Variants in ARHGAP32 observed in about 807,000 individuals in gnomAD.
The protein encoded by ARHGAP32 is rho GTPase-activating protein 32.
Under a neutral mutation model 186.5 loss-of-function variants are expected in ARHGAP32, and 51 were observed. That is an observed-to-expected ratio of 0.27 (90% CI 0.22 to 0.35). ARHGAP32 has a LOEUF of 0.35. Ranked by LOEUF, ARHGAP32 falls within the 10% of genes least tolerant of loss-of-function variation. The pLI is 1.00. For missense variants in ARHGAP32, 2,186 were observed against 2,623.5 expected, an observed-to-expected ratio of 0.83 and a Z score of 3.64; for synonymous variants, 950 against 964.3, an observed-to-expected ratio of 0.99 and a Z score of 0.27.
chr11:129,236,110 A>G (rs1191861531), intron 1 of ARHGAP32, among the ~76,000 whole-genome samples: 1 of 152,194 alleles, frequency 6.6e-6, no homozygotes, highest in Non-Finnish European at 1.5e-5. Flanking sequence ...TGGATCAAAC[A>G]GTAGATCTAC....
At chr11:129,159,865 T>A (rs1275300359) in intron 2 of ARHGAP32, among the ~76,000 whole-genome samples, 1 of 152,180 alleles carries the variant, frequency 6.6e-6, no homozygotes, top group African/African-American at 2.4e-5. Flanking sequence ...TTAAAAAGCT[T>A]ATCCACCACA....
In ARHGAP32 at chr11:129,278,465, T is replaced by C. The variant is rs117395083; in HGVS notation, c.-5+681A>G. 8.1e-3 allele frequency among the ~76,000 whole-genome samples: 1,234 copies of C among 152,342 alleles called. 8 individuals carry two copies. The highest frequency in any genetic ancestry group is 0.031 in the South Asian group (148 of 4,826). The stretch of plus-strand genomic sequence containing the variant: ...TAGACTAAAGCTAAGAAACCAAGTC[T>C]GATTTTCTCTCCCTACCGTTTCTTG... On this transcript the variant is annotated intron_variant, in intron 1 of 6. Coordinates refer to the ARHGAP32 transcript ENST00000525234.
At chr11:129,261,841 A>C (rs758132622) in intron 1 of ARHGAP32, among the ~76,000 whole-genome samples, 31 of 152,332 alleles carry the variant, frequency 2.0e-4, no homozygotes, top group Non-Finnish European at 4.0e-4. Flanking sequence ...AAACCAAAAC[A>C]TATTAGAATC....
intron 10 of ARHGAP32, among the ~76,000 whole-genome samples, chr11:129,046,739 ACCTAAT>A (rs1314205739): frequency 6.6e-6 from 1 of 152,174 alleles, no homozygotes; most frequent in Non-Finnish European, 1.5e-5. Context: ...TAACAACAGA[ACCTAAT>A]CCTAACTATA....
At chr11:129,103,230 G>GA (rs929853098) in intron 5 of ARHGAP32, among the ~76,000 whole-genome samples, 3 of 151,890 alleles carry the variant, frequency 2.0e-5, no homozygotes, top group South Asian at 4.1e-4. Context: ...TTAAAACTAT[G>GA]AAAAAAAGTT....
intron 6 of ARHGAP32, among the ~76,000 whole-genome samples, chr11:129,075,049 A>G (rs543129237): frequency 3.9e-5 from 6 of 152,304 alleles, no homozygotes; most frequent in Admixed American, 3.9e-4. Flanking sequence ...ATATCACAAT[A>G]AAGTTGGAAA....
At chr11:129,126,363 G>A (rs1401905887) in intron 2 of ARHGAP32, among the ~76,000 whole-genome samples, 1 of 152,112 alleles carries the variant, frequency 6.6e-6, no homozygotes, top group Admixed American at 6.5e-5. Context: ...GCAAACCCCT[G>A]TCCTACAAAG....
chr11:129,229,283 G>A (rs1944826927), intron 1 of ARHGAP32, among the ~76,000 whole-genome samples: 1 of 151,862 alleles, frequency 6.6e-6, no homozygotes, highest in Non-Finnish European at 1.5e-5. Context: ...GAAAACCAAA[G>A]GGAATTTGTA....
Position 128,973,315 on chromosome 11 carries a change from G to T in ARHGAP32, c.3191C>A (p.Ser1064Tyr), listed in dbSNP as rs370318111. The T allele has an allele frequency of 6.2e-7, 1 of 1,614,014 alleles. No homozygotes were observed. The highest frequency in any genetic ancestry group is 8.5e-7 in the Non-Finnish European group (1 of 1,180,026). Residue 1064 changes from serine (S) to tyrosine (Y), a missense_variant, in exon 22 of 23, where the codon TCC becomes TAC. Transcript: ENST00000682385. Reference sequence around the variant, plus strand: ...TGACTGAGTTGAGGCTTGCTGTGCGGACTCAGCTAATGCTAGCGCCAACAT... The same window carrying T: ...TGACTGAGTTGAGGCTTGCTGTGCGTACTCAGCTAATGCTAGCGCCAACAT... The part of the protein sequence containing the change: ...ARMLALALAE[S>Y]AQQASTQSLK...
At chr11:128,998,493 T>C (rs1181624119) in intron 11 of ARHGAP32, 25 bp from the exon 12 acceptor site, 3 of 1,506,974 alleles carry the variant, frequency 2.0e-6, no homozygotes, top group Non-Finnish European at 2.7e-6. Context: ...AGAGAAAAGA[T>C]CTTAGTTGTG....
intron 11 of ARHGAP32, among the ~76,000 whole-genome samples, chr11:129,018,035 T>TA (rs1938434701): frequency 6.6e-6 from 1 of 151,978 alleles, no homozygotes; most frequent in African/African-American, 2.4e-5. Flanking sequence ...TTATTATTAT[T>TA]TTTATTTATT....
At chr11:129,027,599 A>G (rs1938916378) in intron 11 of ARHGAP32, among the ~76,000 whole-genome samples, 1 of 152,150 alleles carries the variant, frequency 6.6e-6, no homozygotes, top group East Asian at 1.9e-4. Flanking sequence ...CCTCCAGATT[A>G]CATGCAGATC....
In ARHGAP32 at chr11:128,986,705, T is replaced by C. The variant is rs1239229487; in HGVS notation, c.1299-37A>G. The C allele has an allele frequency of 3.1e-6, 5 of 1,606,234 alleles. 1 individual carries two copies. The South Asian group carries it at 3.3e-5, about 11-fold the overall frequency. ...AGAAGAGGACAAGCAAATCATTTGA[T>C]TGAGGAGAGCAAATATGTGTCTTAA... On this transcript the variant is annotated intron_variant, in intron 13 of 22. Transcript: ENST00000682385.
Position 129,117,809 on chromosome 11 carries a change from AG to A in ARHGAP32, c.444+5636del, listed in dbSNP as rs1163227536. 3.3e-5 allele frequency among the ~76,000 whole-genome samples: 5 copies of A among 151,914 alleles called. No homozygotes were observed. The Admixed American group carries it at 3.3e-4, about 10-fold the overall frequency. On this transcript the variant is annotated intron_variant, in intron 5 of 22. Coordinates refer to ENST00000682385, the MANE Select transcript of ARHGAP32 (RefSeq NM_001378024.1). ...ATGGCGGTACAACACAAAGCACAGC[AG>A]GAACAGCGCTGCCTCAAACTCATCA...
chr11:128,978,852 C>A lies in ARHGAP32; in HGVS notation c.2040G>T (p.Leu680Phe). 1.2e-6 allele frequency: 2 copies of A among 1,612,566 alleles called. No homozygotes were observed. The highest frequency in any genetic ancestry group is 1.7e-6 in the Non-Finnish European group (2 of 1,179,378). The change falls in exon 19 of 23, where the codon TTG (leucine) becomes TTT (phenylalanine). Residue 680 changes from leucine (L) to phenylalanine (F), a missense_variant. Transcript: ENST00000682385. ...PVGSWRSFFN[L>F]GKSSSVSKRK... The stretch of plus-strand genomic sequence containing the variant: ...GTTTAGAAACAGATGATGATTTCCC[C>A]AAGTTGAAAAAGGAACGCCAGCTAC...
chr11:129,159,700 A>G (rs754089132), intron 2 of ARHGAP32, among the ~76,000 whole-genome samples: 1 of 152,102 alleles, frequency 6.6e-6, no homozygotes, highest in Non-Finnish European at 1.5e-5. Context: ...AAAAAGAGGG[A>G]CTCGTCCCTA....
rs560947646 is a variant in ARHGAP32, at chr11:129,032,092, T to C, written c.1045+8836A>G. Among the ~76,000 whole-genome samples, 4 of 152,312 alleles carry C rather than the reference T, an allele frequency of 2.6e-5. No individual in the cohort carries two copies. In the South Asian group the frequency reaches 8.3e-4, roughly 32 times the overall value. On this transcript the variant is annotated intron_variant, in intron 11 of 22. Transcript: ENST00000682385. ...CCTTCAATTCATTTGCGCATCCTGATTCTTCCTGGACCCCAGACAAGGACT... is the reference window on the plus strand; with the variant it reads ...CCTTCAATTCATTTGCGCATCCTGACTCTTCCTGGACCCCAGACAAGGACT...
In ARHGAP32 at chr11:128,974,609, G is replaced by A; in HGVS notation, c.2588C>T (p.Thr863Ile). 1 of 1,614,180 alleles carries A rather than the reference G, an allele frequency of 6.2e-7. No homozygotes were observed. The highest frequency in any genetic ancestry group is 8.5e-7 in the Non-Finnish European group (1 of 1,180,026). ...AGGAGAGACAGGTTCAGAGCTTGCT[G>A]TGCTTCCTGGAGTCTGACATTGGCT... ...GSSQCQTPGSTASSEPVSPLQ... is the reference protein window; with the variant it reads ...GSSQCQTPGSIASSEPVSPLQ... The change falls in exon 21 of 23, where the codon ACA (threonine) becomes ATA (isoleucine). Residue 863 changes from threonine (T) to isoleucine (I), a missense_variant. By Grantham distance (89) the Thr-to-Ile change is moderately conservative. Transcript: ENST00000682385.
chr11:129,028,098 G>A (rs1424639843), intron 11 of ARHGAP32, among the ~76,000 whole-genome samples: 1 of 152,170 alleles, frequency 6.6e-6, no homozygotes, highest in African/African-American at 2.4e-5. Context: ...ATCAAGAACT[G>A]TTTTGGAGCA....
Sources: allele counts gnomAD v4.1 joint callset (sites outside exome capture counted in the v4.1 genomes callset), GRCh38; gene constraint gnomAD v4.1.1; transcripts MANE v1.5; gene names NCBI Gene and HGNC (gene_info 2026-07-23, HGNC 2026-07-21).